Variants in PPP1R16B observed in about 807,000 individuals in gnomAD.
PPP1R16B encodes the protein protein phosphatase 1 regulatory subunit 16B.
In PPP1R16B, 14 loss-of-function variants were observed where a neutral mutation model predicts 61.7. The ratio of observed to expected loss-of-function variants is 0.23; its 90% confidence interval spans 0.15 to 0.35. The LOEUF (loss-of-function observed/expected upper bound fraction) is 0.35, where lower values mean the gene tolerates loss of function less well. Among genes scored for constraint, PPP1R16B ranks in the 10% least tolerant of loss-of-function variants. The pLI is 1.00. For missense variants in PPP1R16B, 547 were observed against 752.5 expected (o/e 0.73, Z 3.19); for synonymous variants, 266 against 305.3 (o/e 0.87, Z 1.34).
chr20:38,890,814 C>T (rs1327019321), intron 3 of PPP1R16B, among the ~76,000 whole-genome samples: 1 of 152,216 alleles, frequency 6.6e-6, no homozygotes, highest in Non-Finnish European at 1.5e-5. Flanking sequence ...GCCAGGCAAC[C>T]AGAACCCTGG....
intron 2 of PPP1R16B, among the ~76,000 whole-genome samples, chr20:38,870,418 A>T (rs746456255): frequency 6.6e-6 from 1 of 152,150 alleles, no homozygotes; most frequent in Non-Finnish European, 1.5e-5. Context: ...AGGTGCTTTG[A>T]TAGGGAACAG....
chr20:38,843,953 A>T (rs189778510), intron 2 of PPP1R16B, among the ~76,000 whole-genome samples: 2 of 152,300 alleles, frequency 1.3e-5, no homozygotes, highest in African/African-American at 4.8e-5. Context: ...AAATATTTTA[A>T]TTGCTTTTTC....
In PPP1R16B at chr20:38,847,150, A is replaced by T. The variant is rs373341305; in HGVS notation, c.250+10975A>T. 8.5e-5 allele frequency among the ~76,000 whole-genome samples: 13 copies of T among 152,328 alleles called. No individual in the cohort carries two copies. In the East Asian group the frequency reaches 1.7e-3, roughly 20 times the overall value. ...CAGAGAGGTTGTATCAGCTGTGTGT[A>T]TCCATCCCTGCTATCTCCCCACCTC... On this transcript the variant is annotated intron_variant, in intron 2 of 10. Transcript: ENST00000299824.
chr20:38,870,944 A>G (rs2085124678), intron 2 of PPP1R16B, among the ~76,000 whole-genome samples: 1 of 152,122 alleles, frequency 6.6e-6, no homozygotes, highest in Non-Finnish European at 1.5e-5. Flanking sequence ...CCCAGTCCCC[A>G]GTTTACTGCA....
chr20:38,839,788 T>G (rs1273053122), intron 2 of PPP1R16B, among the ~76,000 whole-genome samples: 1 of 152,238 alleles, frequency 6.6e-6, no homozygotes, highest in Non-Finnish European at 1.5e-5. Flanking sequence ...TGTGTAGTAT[T>G]CCATAGTATG....
chr20:38,833,014 C>T (rs980053739), intron 1 of PPP1R16B, among the ~76,000 whole-genome samples: 15 of 151,966 alleles, frequency 9.9e-5, no homozygotes, highest in African/African-American at 3.6e-4. Context: ...TTTACACAAT[C>T]TGTAGATGAA....
At chr20:38,908,379 T>C (rs1168812348) in intron 10 of PPP1R16B, among the ~76,000 whole-genome samples, 186 bp downstream of exon 10, 2 of 152,196 alleles carry the variant, frequency 1.3e-5, no homozygotes, top group African/African-American at 4.8e-5. Context: ...AGTCTGATGG[T>C]GGTGGCTGCT....
intron 2 of PPP1R16B, 37 bp from the exon 3 acceptor site, chr20:38,889,558 G>T (rs1384049170): frequency 6.6e-7 from 1 of 1,522,814 alleles, no homozygotes; most frequent in East Asian, 2.3e-5. Context: ...CACCCAGTGT[G>T]CAACGGGAAG....
chr20:38,874,800 G>T (rs1284653374), intron 2 of PPP1R16B, among the ~76,000 whole-genome samples: 1 of 152,168 alleles, frequency 6.6e-6, no homozygotes, highest in Non-Finnish European at 1.5e-5. Flanking sequence ...AAGTGTGGGG[G>T]TATTGGAGCC....
intron 10 of PPP1R16B, among the ~76,000 whole-genome samples, chr20:38,917,347 A>G (rs2145788862): frequency 6.6e-6 from 1 of 150,960 alleles, no homozygotes; most frequent in South Asian, 2.1e-4. Flanking sequence ...TTAGAAAATT[A>G]GTCTCTTTTC....
At chr20:38,822,368 C>T (rs907263039) in intron 1 of PPP1R16B, among the ~76,000 whole-genome samples, 4 of 152,098 alleles carry the variant, frequency 2.6e-5, no homozygotes, top group Admixed American at 6.6e-5. Context: ...GTAAGTACAG[C>T]ACTGACTGGG....
chr20:38,855,073 A>T (rs557105000), intron 2 of PPP1R16B, among the ~76,000 whole-genome samples: 1 of 152,238 alleles, frequency 6.6e-6, no homozygotes, highest in Admixed American at 6.5e-5. Context: ...ATAATATATG[A>T]CTTAAAGCCT....
At chr20:38,862,614 A>C (rs1337522089) in intron 2 of PPP1R16B, among the ~76,000 whole-genome samples, 8 of 152,226 alleles carry the variant, frequency 5.3e-5, no homozygotes, top group Middle Eastern at 6.3e-3. Context: ...TCCTGACGTA[A>C]TGGATGGGCC....
Position 38,908,124 on chromosome 20 carries a change from G to A in PPP1R16B, c.1125G>A (p.Glu375=), listed in dbSNP as rs769592966. 3.1e-6 allele frequency: 5 copies of A among 1,614,248 alleles called. No homozygotes were observed. In the South Asian group the frequency reaches 4.4e-5, roughly 14 times the overall value. Residue 375 remains glutamate, a synonymous_variant, in exon 10 of 11, where the codon GAG becomes GAA. Transcript: ENST00000299824. The stretch of plus-strand genomic sequence containing the variant: ...TCCTGTGGCAGCGGAGTGCAGCTGA[G>A]GATCAGCGGACCTCCACCTACAACG... ...EAILWQRSAA[E]DQRTSTYNGD... is the part of the protein sequence containing the mutation.
chr20:38,825,322 A>T (rs1258238693), intron 1 of PPP1R16B, among the ~76,000 whole-genome samples: 1 of 152,140 alleles, frequency 6.6e-6, no homozygotes, highest in Non-Finnish European at 1.5e-5. Context: ...TGGGAGGGGG[A>T]AGTAGGAACT....
chr20:38,847,968 G>A (rs143013261), intron 2 of PPP1R16B, among the ~76,000 whole-genome samples: 4 of 151,958 alleles, frequency 2.6e-5, no homozygotes, highest in East Asian at 1.9e-4. Context: ...TTTAAAGCAG[G>A]GACCAGAAAA....
intron 10 of PPP1R16B, among the ~76,000 whole-genome samples, chr20:38,916,139 G>A (rs2085536787): frequency 6.6e-6 from 1 of 151,386 alleles, no homozygotes; most frequent in South Asian, 2.1e-4. Context: ...GCTGAGGTGG[G>A]AGAATCATTT....
intron 2 of PPP1R16B, among the ~76,000 whole-genome samples, chr20:38,888,189 T>C (rs1601291219): frequency 6.6e-6 from 1 of 152,218 alleles, no homozygotes; most frequent in Non-Finnish European, 1.5e-5. Flanking sequence ...TTAGGGGATG[T>C]GGACTTTGGC....
At chr20:38,816,277 G>A (rs564258588) in intron 1 of PPP1R16B, among the ~76,000 whole-genome samples, 67 of 152,248 alleles carry the variant, frequency 4.4e-4, no homozygotes, top group African/African-American at 6.3e-4. Context: ...ACTCAAACCC[G>A]GGCAGATCTG....
Sources: allele counts gnomAD v4.1 joint callset (sites outside exome capture counted in the v4.1 genomes callset), GRCh38; gene constraint gnomAD v4.1.1; transcripts MANE v1.5; gene names NCBI Gene and HGNC (gene_info 2026-07-23, HGNC 2026-07-21).